The following CNOT4 variants were observed in gnomAD, a reference collection of about 807,000 sequenced individuals.
CNOT4 encodes CCR4-NOT transcription complex subunit 4.
In CNOT4, 8 loss-of-function variants were observed where a neutral mutation model predicts 73.8. That is an observed-to-expected ratio of 0.11 (90% CI 0.06 to 0.20). The LOEUF (loss-of-function observed/expected upper bound fraction) is 0.20. Ranked by LOEUF, CNOT4 falls within the 10% of genes least tolerant of loss-of-function variation. The pLI, the probability that CNOT4 is intolerant of heterozygous loss-of-function variation, is 1.00. For missense variants in CNOT4, 564 were observed against 883.4 expected, an observed-to-expected ratio of 0.64 and a Z score of 4.58; for synonymous variants, 293 against 321.1, an observed-to-expected ratio of 0.91 and a Z score of 0.94.
At chr7:135,469,870 G>A (rs1163163517) in intron 1 of CNOT4, among the ~76,000 whole-genome samples, 1 of 152,066 alleles carries the variant, frequency 6.6e-6, no homozygotes, top group Non-Finnish European at 1.5e-5. Context: ...TGCCCAGGCT[G>A]GAGTGCAGTG....
At chr7:135,458,546 C>A (rs1263631018) in intron 1 of CNOT4, among the ~76,000 whole-genome samples, 1 of 152,080 alleles carries the variant, frequency 6.6e-6, no homozygotes, top group Non-Finnish European at 1.5e-5. Flanking sequence ...CCACGTAGAA[C>A]CTCTTTCAAA....
intron 1 of CNOT4, among the ~76,000 whole-genome samples, chr7:135,489,099 A>G (rs1802930091): frequency 6.6e-6 from 1 of 152,140 alleles, no homozygotes; most frequent in Admixed American, 6.5e-5. Context: ...AAACAACTTC[A>G]GAAGTTTTAG....
intron 2 of CNOT4, among the ~76,000 whole-genome samples, chr7:135,432,843 A>G (rs1038506255): frequency 6.6e-6 from 1 of 152,230 alleles, no homozygotes; most frequent in African/African-American, 2.4e-5. Flanking sequence ...AATTTCCTTC[A>G]GAAGTATCTT....
chr7:135,395,860 T>C lies in CNOT4; in HGVS notation c.903A>G (p.Ser301=), dbSNP rs750612832. 3 of 1,608,206 alleles carry C rather than the reference T, an allele frequency of 1.9e-6. No homozygotes were observed. In the South Asian group the frequency reaches 3.3e-5, roughly 18 times the overall value. Residue 301 remains serine, a synonymous_variant, in exon 9 of 12, where the codon TCA becomes TCG. Coordinates refer to ENST00000541284, the MANE Select transcript of CNOT4 (RefSeq NM_001190850.2). The stretch of plus-strand genomic sequence containing the variant: ...TGGATTTTGACAAACCAGGTGGTGG[T>C]GAAGGCGTATCACTGTTAGATATCT... The part of the protein sequence containing the change: ...SQQISNSDTP[S]PPPGLSKSNP...
At chr7:135,376,104 C>T (rs1357561332) in intron 10 of CNOT4, among the ~76,000 whole-genome samples, 1 of 150,512 alleles carries the variant, frequency 6.6e-6, no homozygotes, top group African/African-American at 2.4e-5. Context: ...TAACAATGAA[C>T]ACCACAATGC....
chr7:135,427,238 T>G (rs1798557769), intron 2 of CNOT4, among the ~76,000 whole-genome samples: 1 of 152,200 alleles, frequency 6.6e-6, no homozygotes, highest in Non-Finnish European at 1.5e-5. Flanking sequence ...TTTACATGTG[T>G]CTTCTCTTTA....
intron 1 of CNOT4, among the ~76,000 whole-genome samples, chr7:135,506,099 G>T (rs1043859897): frequency 2.6e-5 from 4 of 152,070 alleles, no homozygotes; most frequent in African/African-American, 9.7e-5. Context: ...AAATATTGAG[G>T]ATATTGTCAT....
At chr7:135,432,509 TTCTTTTAATTTTA>T (rs2129485060) in intron 2 of CNOT4, among the ~76,000 whole-genome samples, 1 of 152,360 alleles carries the variant, frequency 6.6e-6, no homozygotes, top group South Asian at 2.1e-4. Context: ...ACACCAAGTA[TTCTTTTAATTTTA>T]TCTTTTTCTA....
At chr7:135,415,661 G>A (rs1459054182) in intron 3 of CNOT4, among the ~76,000 whole-genome samples, 2 of 151,996 alleles carry the variant, frequency 1.3e-5, no homozygotes, top group African/African-American at 4.8e-5. Context: ...CCAAAATTAT[G>A]TATTAAAGGT....
chr7:135,476,783 G>C (rs1386673051), intron 1 of CNOT4, among the ~76,000 whole-genome samples: 3 of 152,120 alleles, frequency 2.0e-5, no homozygotes, highest in African/African-American at 4.8e-5. Context: ...ACCAGCCTGG[G>C]CAATACAGCG....
intron 1 of CNOT4, among the ~76,000 whole-genome samples, chr7:135,468,827 C>T (rs961662882): frequency 1.3e-5 from 2 of 152,104 alleles, no homozygotes; most frequent in African/African-American, 4.8e-5. Flanking sequence ...AACCCTTATG[C>T]CTTACTCTTA....
rs1310613977 is a variant in CNOT4 at position 135,365,361 on chromosome 7, C to A, written c.1628-1295G>T. Among the ~76,000 whole-genome samples the A allele has an allele frequency of 5.9e-5, 9 of 152,100 alleles. No individual in the cohort carries two copies. In the East Asian group the frequency reaches 1.7e-3, roughly 29 times the overall value. On this transcript the variant is annotated intron_variant, in intron 10 of 11. Transcript: ENST00000541284. ...AAATTCTCCAACCCTACTTTCATTT[C>A]ATAATTGATGTAATTTACTAAACCT... is the stretch of plus-strand genomic sequence containing the variant.
intron 7 of CNOT4, among the ~76,000 whole-genome samples, chr7:135,399,764 G>C (rs570739789): frequency 6.6e-6 from 1 of 152,112 alleles, no homozygotes; most frequent in South Asian, 2.1e-4. Context: ...TAAGCAAACA[G>C]ATTTGAAATT....
At chr7:135,392,337 G>A (rs753237598) in intron 10 of CNOT4, among the ~76,000 whole-genome samples, 1 of 151,976 alleles carries the variant, frequency 6.6e-6, no homozygotes, top group Non-Finnish European at 1.5e-5. Flanking sequence ...ATTCATTGAT[G>A]GGCAAATAGA....
At chr7:135,500,983 C>CTTT (rs869117346) in intron 1 of CNOT4, among the ~76,000 whole-genome samples, 57 of 134,512 alleles carry the variant, frequency 4.2e-4, no homozygotes, top group Middle Eastern at 3.7e-3. Flanking sequence ...TCTACTAAAC[C>CTTT]TTTTTTTTTT....
At chr7:135,482,580 C>T (rs1417359371) in intron 1 of CNOT4, among the ~76,000 whole-genome samples, 2 of 150,290 alleles carry the variant, frequency 1.3e-5, no homozygotes, top group Non-Finnish European at 3.0e-5. Flanking sequence ...ATCCGGTGGT[C>T]CAGAGAGCCA....
chr7:135,507,666 C>G (rs1804467102), intron 1 of CNOT4, among the ~76,000 whole-genome samples: 1 of 152,086 alleles, frequency 6.6e-6, no homozygotes, highest in Non-Finnish European at 1.5e-5. Context: ...ACAAACAATC[C>G]TCTCCTAGAA....
At chr7:135,420,539 T>C (rs140260728) in intron 3 of CNOT4, among the ~76,000 whole-genome samples, 167 of 126,710 alleles carry the variant, frequency 1.3e-3, no homozygotes, top group African/African-American at 4.8e-3. Flanking sequence ...ATCATACCAC[T>C]ACACTCCAGT....
At chr7:135,426,334 G>A (rs1798492769) in intron 2 of CNOT4, among the ~76,000 whole-genome samples, 1 of 152,192 alleles carries the variant, frequency 6.6e-6, no homozygotes, top group Admixed American at 6.5e-5. Flanking sequence ...TGGGCACGGT[G>A]GCTCACGCCT....
Sources: gnomAD v4.1 joint callset for allele counts (sites outside exome capture counted in the v4.1 genomes callset) on GRCh38, gnomAD v4.1.1 for gene constraint, MANE v1.5 for transcripts, NCBI Gene and HGNC (gene_info 2026-07-23, HGNC 2026-07-21) for gene names.